The following COBL variants were observed in gnomAD, a reference collection of about 807,000 sequenced individuals.
The protein encoded by COBL is cordon-bleu WH2 repeat protein.
In COBL, 51 loss-of-function variants were observed where a neutral mutation model predicts 98.8. The observed-to-expected ratio is 0.52, with a 90% CI of 0.41 to 0.65. The LOEUF is 0.65. Among genes scored for constraint, COBL ranks in the 30% least tolerant of loss-of-function variants. COBL has a pLI of 0.00. For missense variants in COBL, 1,617 were observed against 1,617.5 expected (o/e 1.00, Z 0.01); for synonymous variants, 634 against 651.7 (o/e 0.97, Z 0.41).
chr7:51,107,841 T>G (rs1027943801), intron 6 of COBL, among the ~76,000 whole-genome samples: 2 of 152,146 alleles, frequency 1.3e-5, no homozygotes, highest in African/African-American at 4.8e-5. Context: ...GGAAGGAAGA[T>G]ATGTAAATCA....
In COBL at chr7:51,045,403, C is replaced by T. The variant is rs148969880; in HGVS notation, c.1097-1711G>A. On this transcript the variant is annotated intron_variant, in intron 7 of 12. Transcript: ENST00000265136. ...CATGTGGGCTCTCTGGCACTCACAG[C>T]TTCTGAAGGGACAGACACGTACGCA... 2.3e-4 allele frequency among the ~76,000 whole-genome samples: 35 copies of T among 152,186 alleles called. No homozygotes were observed. The East Asian group carries it at 6.6e-3, about 29-fold the overall frequency.
intron 5 of COBL, among the ~76,000 whole-genome samples, chr7:51,151,590 C>A (rs372545603): frequency 6.6e-6 from 1 of 152,172 alleles, no homozygotes; most frequent in East Asian, 1.9e-4. Flanking sequence ...TCCTTCATGA[C>A]CTGGTAGCTT....
intron 6 of COBL, among the ~76,000 whole-genome samples, chr7:51,129,717 G>T (rs1798556251): frequency 6.6e-6 from 1 of 152,082 alleles, no homozygotes; most frequent in Admixed American, 6.5e-5. Flanking sequence ...GCCAAGCAGG[G>T]TCTGGTGCAG....
At chr7:51,077,210 A>T (rs1793178405) in intron 7 of COBL, among the ~76,000 whole-genome samples, 1 of 152,200 alleles carries the variant, frequency 6.6e-6, no homozygotes, top group South Asian at 2.1e-4. Context: ...TTTAATGCAA[A>T]ATCTTATTAA....
In COBL at chr7:51,316,788, G is replaced by A. The variant is rs1803662656; in HGVS notation, c.-155C>T. 2 of 514,602 alleles carry A rather than the reference G, an allele frequency of 3.9e-6. No homozygotes were observed. The highest frequency in any genetic ancestry group is 9.1e-5 in the South Asian group (1 of 10,932). The allele number at this position is 514,602 out of a possible 1,614,324, so 31.9% of individuals were successfully genotyped here. A position where few individuals can be genotyped will look rare whatever the true frequency, so the allele number is the denominator to read the frequency against. Reference sequence around the variant, plus strand: ...AGGACAGCGGCGGAGCGCGGCGGACGGAAGGGGCTGGAATCGTCTCTAGCG... The same window carrying A: ...AGGACAGCGGCGGAGCGCGGCGGACAGAAGGGGCTGGAATCGTCTCTAGCG... On this transcript the variant is annotated 5_prime_UTR_variant, in exon 1 of 13. Transcript: ENST00000265136.
At chr7:51,257,244 A>G (rs1797274541) in intron 1 of COBL, among the ~76,000 whole-genome samples, 1 of 152,204 alleles carries the variant, frequency 6.6e-6, no homozygotes. Context: ...AACGTGCCAA[A>G]AAACAAAAAT....
intron 1 of COBL, among the ~76,000 whole-genome samples, chr7:51,296,273 A>C (rs117562114): frequency 6.6e-6 from 1 of 152,334 alleles, no homozygotes; most frequent in Non-Finnish European, 1.5e-5. Context: ...AATCCATTTT[A>C]AAATGATCCT....
chr7:51,132,638 TAAAG>T (rs1272581597), intron 6 of COBL, among the ~76,000 whole-genome samples: 3 of 152,192 alleles, frequency 2.0e-5, no homozygotes, highest in African/African-American at 4.8e-5. Flanking sequence ...TGTGTTGCTC[TAAAG>T]AAACACCTGA....
intron 5 of COBL, among the ~76,000 whole-genome samples, chr7:51,173,390 C>T (rs1391773990): frequency 6.6e-6 from 1 of 151,932 alleles, no homozygotes; most frequent in Non-Finnish European, 1.5e-5. Flanking sequence ...ACCTTGTTGC[C>T]CAGGCTGTTC....
At chr7:51,170,852 T>G (rs1361002478) in intron 5 of COBL, among the ~76,000 whole-genome samples, 1 of 152,058 alleles carries the variant, frequency 6.6e-6, no homozygotes, top group African/African-American at 2.4e-5. Context: ...CATACAGTTG[T>G]GTGACTACAG....
intron 5 of COBL, among the ~76,000 whole-genome samples, chr7:51,140,935 T>C (rs935756671): frequency 6.6e-6 from 1 of 152,156 alleles, no homozygotes; most frequent in Non-Finnish European, 1.5e-5. Flanking sequence ...CATTTCCCTT[T>C]GCCAAAATTC....
chr7:51,220,976 T>C (rs1405617563), intron 1 of COBL, among the ~76,000 whole-genome samples: 1 of 152,240 alleles, frequency 6.6e-6, no homozygotes, highest in Non-Finnish European at 1.5e-5. Context: ...TTACTTTATA[T>C]AGGCCCTGGT....
chr7:51,203,481 A>C (rs1283163359), intron 2 of COBL, among the ~76,000 whole-genome samples: 1 of 150,736 alleles, frequency 6.6e-6, no homozygotes, highest in Non-Finnish European at 1.5e-5. Context: ...AAAAAAAAAA[A>C]AAAACTCTTG....
chr7:51,050,422 C>A (rs975386111), intron 7 of COBL, among the ~76,000 whole-genome samples: 1 of 152,168 alleles, frequency 6.6e-6, no homozygotes. Context: ...TTTTTCTCTG[C>A]CCACCACTCT....
intron 1 of COBL, among the ~76,000 whole-genome samples, chr7:51,222,233 CT>C (rs1793724624): frequency 6.6e-6 from 1 of 151,854 alleles, no homozygotes; most frequent in African/African-American, 2.4e-5. Context: ...AGATCTCATC[CT>C]CTGCTATAAG....
At chr7:51,039,804 CCT>C (rs1329191850) in intron 8 of COBL, among the ~76,000 whole-genome samples, 1 of 152,174 alleles carries the variant, frequency 6.6e-6, no homozygotes, top group Non-Finnish European at 1.5e-5. Flanking sequence ...TCCGTTTCAC[CCT>C]GAGTGCCTGA....
At chr7:51,076,203 T>C (rs1793057570) in intron 7 of COBL, among the ~76,000 whole-genome samples, 1 of 152,230 alleles carries the variant, frequency 6.6e-6, no homozygotes, top group Non-Finnish European at 1.5e-5. Flanking sequence ...ACTGTGTTTG[T>C]GTCACAAGCT....
chr7:51,190,191 A>T (rs531627636), intron 4 of COBL, among the ~76,000 whole-genome samples: 1 of 152,186 alleles, frequency 6.6e-6, no homozygotes, highest in African/African-American at 2.4e-5. Context: ...AGTTAATGGC[A>T]ACTGAAAAAG....
rs567525602 is a variant in COBL at position 51,118,767 on chromosome 7, G to A, written c.957+17391C>T. Among the ~76,000 whole-genome samples the A allele has an allele frequency of 2.6e-5, 4 of 152,274 alleles. No homozygotes were observed. The South Asian group carries it at 8.3e-4, about 32-fold the overall frequency. Reference sequence around the variant, plus strand: ...GTTAGTGTTGGTGGAGTCTGGGATGGATTCAAATCCAGGCAAAGCCTATGT... The same window carrying A: ...GTTAGTGTTGGTGGAGTCTGGGATGAATTCAAATCCAGGCAAAGCCTATGT... On this transcript the variant is annotated intron_variant, in intron 6 of 12. Coordinates refer to ENST00000265136, the MANE Select transcript of COBL (RefSeq NM_015198.5).
Sources: gnomAD v4.1 joint callset for allele counts (sites outside exome capture counted in the v4.1 genomes callset) on GRCh38, gnomAD v4.1.1 for gene constraint, MANE v1.5 for transcripts, NCBI Gene and HGNC (gene_info 2026-07-23, HGNC 2026-07-21) for gene names.